DEPDC5: variants seen among roughly 807,000 people sequenced by gnomAD.
DEPDC5 encodes the protein GATOR1 complex protein DEPDC5.
In DEPDC5, 73 loss-of-function variants were observed where a neutral mutation model predicts 217.3. The observed-to-expected ratio is 0.34, with a 90% confidence interval of 0.28 to 0.41. The LOEUF (loss-of-function observed/expected upper bound fraction) is 0.41. DEPDC5 is among the 10% of genes least tolerant of loss of function. DEPDC5 has a pLI of 1.00. For missense variants in DEPDC5, 1,675 were observed against 2,070.1 expected (o/e 0.81, Z 3.70); for synonymous variants, 733 against 756.7 (o/e 0.97, Z 0.51).
intron 21 of DEPDC5, among the ~76,000 whole-genome samples, chr22:31,818,200 G>T (rs1249588694): frequency 6.6e-6 from 1 of 152,068 alleles, no homozygotes; most frequent in Non-Finnish European, 1.5e-5. Context: ...CCAGACAGGT[G>T]GTGTCTAAAT....
At chr22:31,791,818 T>G (rs1407550961) in intron 10 of DEPDC5, among the ~76,000 whole-genome samples, 1 of 146,872 alleles carries the variant, frequency 6.8e-6, no homozygotes, top group Non-Finnish European at 1.5e-5. Flanking sequence ...TCCCAGCTAC[T>G]TGGGAGGCTG....
intron 33 of DEPDC5, among the ~76,000 whole-genome samples, chr22:31,864,501 A>AAAATATATATATATATATAT (rs574324972): frequency 8.1e-6 from 1 of 123,146 alleles, no homozygotes; most frequent in South Asian, 2.8e-4. Flanking sequence ...TCTTCATTAA[A>AAAATATATATATATATATAT]ATATATATAT....
chr22:31,846,997 C>G, intron 31 of DEPDC5, 30 bp downstream of exon 31: 2 of 1,614,084 alleles, frequency 1.2e-6, no homozygotes, highest in South Asian at 1.1e-5. Flanking sequence ...CTGACTTGTC[C>G]CCACCTTGAC....
At chr22:31,768,476 A>G (rs1193959613) in intron 6 of DEPDC5, among the ~76,000 whole-genome samples, 1 of 152,218 alleles carries the variant, frequency 6.6e-6, no homozygotes, top group Non-Finnish European at 1.5e-5. Context: ...AAACAACACA[A>G]TATTTAAATG....
intron 18 of DEPDC5, among the ~76,000 whole-genome samples, chr22:31,808,084 ACTT>A (rs2087769328): frequency 1.3e-5 from 2 of 151,786 alleles, no homozygotes; most frequent in African/African-American, 2.4e-5. Context: ...ACATGGAAAA[ACTT>A]CTCTGCACCA....
chr22:31,823,971 A>G (rs972739867), intron 24 of DEPDC5, among the ~76,000 whole-genome samples: 5 of 152,302 alleles, frequency 3.3e-5, no homozygotes, highest in Admixed American at 6.5e-5. Context: ...TGAGTGTGGA[A>G]AACATTAAAA....
Position 31,758,573 on chromosome 22 carries a change from T to C in DEPDC5, c.86T>C (p.Val29Ala), listed in dbSNP as rs1157334235. 1.2e-6 allele frequency: 2 copies of C among 1,614,032 alleles called. No individual in the cohort carries two copies. The highest frequency in any genetic ancestry group is 1.7e-6 in the Non-Finnish European group (2 of 1,180,018). ...SDDELVVNPKVFPHIKLGDIV... is the reference protein window; with the variant it reads ...SDDELVVNPKAFPHIKLGDIV... ...GATGAGCTAGTTGTGAACCCCAAAG[T>C]GTTCCCTCACATCAAGCTTGGAGAC... The change falls in exon 3 of 43, where the codon GTG becomes GCG. Residue 29 changes from valine to alanine, a missense_variant. This residue lies in a region of DEPDC5 where 628 missense variants were observed against 762.1 expected (regional missense o/e 0.82). Coordinates refer to ENST00000651528, the MANE Select transcript of DEPDC5 (RefSeq NM_001242896.3).
chr22:31,858,870 T>C (rs1252490940), intron 32 of DEPDC5: 1 of 152,138 alleles, frequency 6.6e-6, no homozygotes, highest in Admixed American at 6.5e-5. Flanking sequence ...CCACTGATAA[T>C]TCCTTAGCAT....
chr22:31,784,710 G>T (rs2084806386), intron 9 of DEPDC5, 104 bp from the exon 10 acceptor site: 2 of 1,070,312 alleles, frequency 1.9e-6, no homozygotes, highest in Non-Finnish European at 2.8e-6. Flanking sequence ...TTAGGGAATT[G>T]CTTAGAGAAG....
At chr22:31,837,287 A>G (rs1018952270) in intron 26 of DEPDC5, 132 bp downstream of exon 26, 5 of 825,266 alleles carry the variant, frequency 6.1e-6, no homozygotes, top group African/African-American at 5.3e-5. Flanking sequence ...TATAGAGGAG[A>G]TTAGCATGGC....
In DEPDC5 at chr22:31,802,742, A is replaced by G. The variant is rs2087013336; in HGVS notation, c.985A>G (p.Thr329Ala). The G allele has an allele frequency of 2.5e-6, 4 of 1,598,504 alleles. No individual in the cohort carries two copies. Among genetic ancestry groups the G allele is most frequent in the South Asian group, 1.1e-5 (1 of 88,156 alleles). Residue 329 changes from threonine (T) to alanine (A), a missense_variant, in exon 15 of 43, where the codon ACT becomes GCT. Physicochemically the swap from Thr to Ala is moderately conservative, Grantham distance 58. Coordinates refer to ENST00000651528, the MANE Select transcript of DEPDC5 (RefSeq NM_001242896.3). Reference sequence around the variant, plus strand: ...CTACATCAACCGCAACTTTGACCGAACTGGGCAGATGTCAGTGGTGATCAC... The same window carrying G: ...CTACATCAACCGCAACTTTGACCGAGCTGGGCAGATGTCAGTGGTGATCAC... ...KHYINRNFDR[T>A]GQMSVVITPG...
intron 8 of DEPDC5, among the ~76,000 whole-genome samples, chr22:31,778,966 G>A (rs867698554): frequency 2.0e-5 from 3 of 152,228 alleles, no homozygotes; most frequent in South Asian, 2.1e-4. Context: ...CATGCTACAC[G>A]TCCAGAGCAG....
chr22:31,812,549 C>T (rs1415377758), intron 20 of DEPDC5, among the ~76,000 whole-genome samples: 8 of 150,388 alleles, frequency 5.3e-5, no homozygotes, highest in Non-Finnish European at 8.9e-5. Flanking sequence ...CTCAGCCTCC[C>T]GAGTAGCTGG....
At chr22:31,891,553 A>G (rs2093438123) in intron 38 of DEPDC5, 1 of 166,498 alleles carries the variant, frequency 6.0e-6, no homozygotes, top group African/African-American at 2.4e-5. Context: ...CTGCCTTACA[A>G]CAGAAGCTCA....
chr22:31,836,790 A>G, intron 25 of DEPDC5, 182 bp from the exon 26 acceptor site: 1 of 612,090 alleles, frequency 1.6e-6, no homozygotes, highest in Non-Finnish European at 2.9e-6. Context: ...GCATTGTCTA[A>G]CAAACTCTGT....
intron 37 of DEPDC5, among the ~76,000 whole-genome samples, chr22:31,878,193 A>C (rs911419164): frequency 6.6e-6 from 1 of 152,150 alleles, no homozygotes; most frequent in Non-Finnish European, 1.5e-5. Context: ...CTCAAAAAAA[A>C]AAAAAAGAAT....
chr22:31,846,336 C>A (rs2091735132), intron 30 of DEPDC5, among the ~76,000 whole-genome samples: 1 of 152,166 alleles, frequency 6.6e-6, no homozygotes, highest in Non-Finnish European at 1.5e-5. Flanking sequence ...AGGGAATGTT[C>A]CATCATCAGC....
chr22:31,789,274 A>T (rs527242205), intron 10 of DEPDC5, among the ~76,000 whole-genome samples: 2 of 152,282 alleles, frequency 1.3e-5, no homozygotes, highest in Non-Finnish European at 2.9e-5. Flanking sequence ...AATAAAATGT[A>T]TATCCATACA....
chr22:31,873,628 T>G (rs1209338983), intron 35 of DEPDC5, among the ~76,000 whole-genome samples: 1 of 151,926 alleles, frequency 6.6e-6, no homozygotes, highest in Non-Finnish European at 1.5e-5. Flanking sequence ...AAAAGGGATT[T>G]TTTAAAAAGT....
Sources: allele counts gnomAD v4.1 joint callset (sites outside exome capture counted in the v4.1 genomes callset), GRCh38; gene constraint gnomAD v4.1.1; regional missense constraint gnomAD v4.1.1; transcripts MANE v1.5; gene names NCBI Gene and HGNC (gene_info 2026-07-23, HGNC 2026-07-21).